FAT3: variants seen among roughly 807,000 people sequenced by gnomAD.
FAT3 encodes the protein FAT atypical cadherin 3.
In FAT3, 95 loss-of-function variants were observed where a neutral mutation model predicts 310.2. The ratio of observed to expected loss-of-function variants is 0.31; its 90% confidence interval spans 0.26 to 0.36. The LOEUF (loss-of-function observed/expected upper bound fraction) is 0.36, where lower values mean the gene tolerates loss of function less well. Among genes scored for constraint, FAT3 ranks in the 10% least tolerant of loss-of-function variants. FAT3 has a pLI of 1.00. For synonymous variants in FAT3, 2,314 were observed against 2,192.9 expected (o/e 1.06, Z -1.54); for missense variants, 5,408 against 5,715.6 (o/e 0.95, Z 1.74).
intron 2 of FAT3, among the ~76,000 whole-genome samples, chr11:92,420,075 C>T (rs1334595359): frequency 6.6e-6 from 1 of 152,186 alleles, no homozygotes; most frequent in Non-Finnish European, 1.5e-5. Flanking sequence ...AGCCTGCCGG[C>T]TGGCTGCCTG....
At chr11:92,507,756 T>C (rs993990884) in intron 2 of FAT3, among the ~76,000 whole-genome samples, 4 of 150,418 alleles carry the variant, frequency 2.7e-5, no homozygotes, top group Admixed American at 1.3e-4. Flanking sequence ...ACACACCCTA[T>C]ATATATACAC....
chr11:92,712,003 C>T (rs1944538984), intron 4 of FAT3, among the ~76,000 whole-genome samples: 1 of 152,096 alleles, frequency 6.6e-6, no homozygotes, highest in Admixed American at 6.5e-5. Context: ...ATTTAAATCC[C>T]AAACTAAAGA....
At chr11:92,732,271 A>C (rs1021320690) in intron 4 of FAT3, among the ~76,000 whole-genome samples, 1 of 152,226 alleles carries the variant, frequency 6.6e-6, no homozygotes, top group Non-Finnish European at 1.5e-5. Context: ...ATTTATAGAA[A>C]GATCAAAATA....
At chr11:92,423,902 A>G (rs1950578536) in intron 2 of FAT3, among the ~76,000 whole-genome samples, 1 of 152,164 alleles carries the variant, frequency 6.6e-6, no homozygotes, top group African/African-American at 2.4e-5. Flanking sequence ...TAGTCTACTG[A>G]TTGTAAATAT....
chr11:92,256,314 C>T (rs1865313201), intron 1 of FAT3, among the ~76,000 whole-genome samples: 1 of 151,816 alleles, frequency 6.6e-6, no homozygotes, highest in Non-Finnish European at 1.5e-5. Flanking sequence ...ATTAAATGCT[C>T]CTGATTTCCC....
chr11:92,432,140 T>A (rs1950799614), intron 2 of FAT3, among the ~76,000 whole-genome samples: 1 of 152,206 alleles, frequency 6.6e-6, no homozygotes, highest in African/African-American at 2.4e-5. Context: ...GCATGGAATG[T>A]TCTTCCATTT....
intron 2 of FAT3, among the ~76,000 whole-genome samples, chr11:92,359,929 G>A (rs1158191376): frequency 9.2e-5 from 13 of 141,834 alleles, no homozygotes; most frequent in Admixed American, 1.5e-4. Flanking sequence ...GAATAATGCC[G>A]CAATAAACAT....
intron 2 of FAT3, among the ~76,000 whole-genome samples, chr11:92,511,208 A>G (rs1953276629): frequency 2.6e-5 from 4 of 152,212 alleles, no homozygotes; most frequent in Admixed American, 2.0e-4. Flanking sequence ...TTTTAAGAAA[A>G]TTGTCTTATT....
At position 92,883,781 on chromosome 11, in the gene FAT3, G is replaced by A. The variant is rs1949733603; in HGVS notation, c.12937+388G>A. 1.3e-5 allele frequency among the ~76,000 whole-genome samples: 2 copies of A among 152,130 alleles called. No individual in the cohort carries two copies. Among genetic ancestry groups the A allele is most frequent in the Non-Finnish European group, 2.9e-5 (2 of 68,028 alleles). On this transcript the variant is annotated intron_variant, in intron 24 of 27. Coordinates refer to ENST00000525166, the MANE Select transcript of FAT3 (RefSeq NM_001367949.2). The surrounding 1 kb of genome is among the most constrained non-coding windows in gnomAD (Gnocchi z 4.2). ...AATTATAATAGTGTGTGTGTGTCTG[G>A]GCCTATGTACAAAGTGCAAAAAGCC...
intron 2 of FAT3, among the ~76,000 whole-genome samples, chr11:92,459,885 C>A (rs1478036927): frequency 6.6e-6 from 1 of 151,970 alleles, no homozygotes; most frequent in Non-Finnish European, 1.5e-5. Context: ...TTTAACTTTG[C>A]ATGCCTTATA....
chr11:92,634,437 T>A (rs954852458), intron 3 of FAT3, among the ~76,000 whole-genome samples: 3 of 152,254 alleles, frequency 2.0e-5, no homozygotes, highest in African/African-American at 7.2e-5. Context: ...TTGTTCATAG[T>A]ATCTCCTCCT....
chr11:92,260,877 A>G (rs901939048), intron 1 of FAT3, among the ~76,000 whole-genome samples: 3 of 152,190 alleles, frequency 2.0e-5, no homozygotes, highest in African/African-American at 7.2e-5. Flanking sequence ...GTATGCCAAC[A>G]TGTAGGACAT....
chr11:92,712,110 A>G (rs1944543777), intron 4 of FAT3, among the ~76,000 whole-genome samples: 1 of 152,220 alleles, frequency 6.6e-6, no homozygotes, highest in South Asian at 2.1e-4. Context: ...TAGTGTAAAA[A>G]GAGGGAAAGG....
chr11:92,301,245 G>A (rs1946989952), intron 1 of FAT3, among the ~76,000 whole-genome samples: 1 of 152,134 alleles, frequency 6.6e-6, no homozygotes, highest in Non-Finnish European at 1.5e-5. Flanking sequence ...CATGATTGCT[G>A]ACATTTCCAA....
At chr11:92,541,818 C>G (rs1366546091) in intron 3 of FAT3, among the ~76,000 whole-genome samples, 1 of 152,018 alleles carries the variant, frequency 6.6e-6, no homozygotes, top group Non-Finnish European at 1.5e-5. Flanking sequence ...ATGCCCGTTA[C>G]TTTTATAAAT....
intron 1 of FAT3, among the ~76,000 whole-genome samples, chr11:92,306,759 A>G (rs1947149898): frequency 7.7e-6 from 1 of 129,492 alleles, no homozygotes. Context: ...ATATAAATAT[A>G]TATATAAATA....
At chr11:92,584,400 C>T (rs1050598403) in intron 3 of FAT3, among the ~76,000 whole-genome samples, 1 of 152,002 alleles carries the variant, frequency 6.6e-6, no homozygotes, top group Admixed American at 6.6e-5. Context: ...TGGTTTTCAT[C>T]GTACAGAAAG....
chr11:92,668,116 C>A (rs1943015108), intron 3 of FAT3, among the ~76,000 whole-genome samples: 1 of 152,178 alleles, frequency 6.6e-6, no homozygotes, highest in South Asian at 2.1e-4. Flanking sequence ...CAGAGCGTGT[C>A]TTTATGACTG....
At chr11:92,317,017 G>A (rs898440327) in intron 1 of FAT3, among the ~76,000 whole-genome samples, 5 of 152,126 alleles carry the variant, frequency 3.3e-5, no homozygotes, top group Non-Finnish European at 7.4e-5. Context: ...TGATGATTCT[G>A]AATCTTGACA....
Sources: allele counts gnomAD v4.1 joint callset (sites outside exome capture counted in the v4.1 genomes callset), GRCh38; gene constraint gnomAD v4.1.1; non-coding constraint Gnocchi (gnomAD v3.1); transcripts MANE v1.5; gene names NCBI Gene and HGNC (gene_info 2026-07-23, HGNC 2026-07-21).